Variants in TEAD1 observed in about 807,000 individuals in gnomAD.
The protein encoded by TEAD1 is transcriptional enhancer factor TEF-1.
Under a neutral mutation model 54.9 loss-of-function variants are expected in TEAD1, and 9 were observed. The ratio of observed to expected loss-of-function variants is 0.16; its 90% confidence interval spans 0.10 to 0.29. The LOEUF is 0.29. TEAD1 is among the 10% of genes least tolerant of loss of function. The pLI is 1.00. For synonymous variants in TEAD1, 200 were observed against 187.8 expected (o/e 1.07, Z -0.53); for missense variants, 387 against 535.9 (o/e 0.72, Z 2.74).
intron 5 of TEAD1, among the ~76,000 whole-genome samples, chr11:12,873,805 G>T (rs953220019): frequency 6.6e-6 from 1 of 152,186 alleles, no homozygotes; most frequent in Non-Finnish European, 1.5e-5. Context: ...TAATTGCAGA[G>T]GTCATGTGGA....
chr11:12,887,848 A>G (rs921951165), intron 9 of TEAD1, among the ~76,000 whole-genome samples: 1 of 152,258 alleles, frequency 6.6e-6, no homozygotes, highest in Non-Finnish European at 1.5e-5. Context: ...ATAAGCGAAC[A>G]AAGTGACCAA....
At chr11:12,689,479 C>T (rs1943406302) in intron 2 of TEAD1, among the ~76,000 whole-genome samples, 1 of 152,134 alleles carries the variant, frequency 6.6e-6, no homozygotes, top group Non-Finnish European at 1.5e-5. Flanking sequence ...AAGTGCCTTC[C>T]TTATGGGTTA....
chr11:12,886,535 A>T (rs1303301805), intron 9 of TEAD1, among the ~76,000 whole-genome samples: 1 of 152,210 alleles, frequency 6.6e-6, no homozygotes, highest in Non-Finnish European at 1.5e-5. Context: ...CAGTGAACAA[A>T]ACAAAGTTCT....
intron 3 of TEAD1, among the ~76,000 whole-genome samples, chr11:12,766,008 G>C (rs1945200900): frequency 6.6e-6 from 1 of 152,184 alleles, no homozygotes; most frequent in South Asian, 2.1e-4. Flanking sequence ...AAGCTTCTTT[G>C]AAGATGATTT....
At chr11:12,701,445 C>G (rs752395973) in intron 2 of TEAD1, among the ~76,000 whole-genome samples, 1 of 152,020 alleles carries the variant, frequency 6.6e-6, no homozygotes, top group Non-Finnish European at 1.5e-5. Flanking sequence ...TTCTTTTGAT[C>G]TTGGAAATTG....
intron 3 of TEAD1, among the ~76,000 whole-genome samples, chr11:12,809,338 A>G (rs1200732395): frequency 6.6e-6 from 1 of 152,154 alleles, no homozygotes; most frequent in South Asian, 2.1e-4. Context: ...TCCACTCTGC[A>G]TGGAGGCATA....
chr11:12,924,034 A>G (rs530924703), intron 10 of TEAD1, among the ~76,000 whole-genome samples: 31 of 152,344 alleles, frequency 2.0e-4, no homozygotes, highest in African/African-American at 5.3e-4. Context: ...TCAAGGGAGT[A>G]TCCATTTCCT....
chr11:12,718,858 C>T (rs1159918556), intron 2 of TEAD1, among the ~76,000 whole-genome samples: 1 of 152,050 alleles, frequency 6.6e-6, no homozygotes, highest in East Asian at 1.9e-4. Context: ...CCTAATTTTA[C>T]CTGCTTAAAT....
intron 3 of TEAD1, among the ~76,000 whole-genome samples, chr11:12,797,820 T>C (rs543133032): frequency 1.8e-3 from 275 of 152,260 alleles, no homozygotes; most frequent in African/African-American, 6.3e-3. Flanking sequence ...GTATCCTATC[T>C]ACTATTTTTC....
At chr11:12,745,091 A>G (rs1944720599) in intron 2 of TEAD1, among the ~76,000 whole-genome samples, 1 of 152,196 alleles carries the variant, frequency 6.6e-6, no homozygotes, top group African/African-American at 2.4e-5. Flanking sequence ...TCCCTGGGAG[A>G]CACTGCTGGG....
intron 10 of TEAD1, among the ~76,000 whole-genome samples, chr11:12,908,883 G>GTTTTTTTTT (rs60042137): frequency 0.046 from 4,614 of 99,278 alleles, 193 homozygotes; most frequent in East Asian, 0.18. Context: ...CAAATTATCT[G>GTTTTTTTTT]TTTTTTTTTT....
intron 10 of TEAD1, among the ~76,000 whole-genome samples, chr11:12,912,637 C>T (rs1043637538): frequency 3.9e-5 from 6 of 152,206 alleles, no homozygotes; most frequent in South Asian, 4.2e-4. Context: ...AAGCCTAAAA[C>T]GTAGTAGGAA....
intron 3 of TEAD1, among the ~76,000 whole-genome samples, chr11:12,852,868 C>T (rs55952256): frequency 0.032 from 4,887 of 152,284 alleles, 249 homozygotes; most frequent in Admixed American, 0.14. Context: ...TGATTGTGGG[C>T]GGTTCCCTGA....
intron 10 of TEAD1, among the ~76,000 whole-genome samples, chr11:12,917,115 T>C (rs1948728231): frequency 6.6e-6 from 1 of 152,170 alleles, no homozygotes; most frequent in Non-Finnish European, 1.5e-5. Flanking sequence ...ATAGAATATC[T>C]TGGATTATCT....
intron 2 of TEAD1, among the ~76,000 whole-genome samples, chr11:12,741,656 A>G (rs569399521): frequency 4.6e-5 from 7 of 152,292 alleles, no homozygotes; most frequent in Admixed American, 2.0e-4. Flanking sequence ...TTTCCAATAT[A>G]AATCTGGATT....
At chr11:12,785,703 G>C (rs1490081032) in intron 3 of TEAD1, among the ~76,000 whole-genome samples, 1 of 152,080 alleles carries the variant, frequency 6.6e-6, no homozygotes, top group East Asian at 1.9e-4. Flanking sequence ...TTGGAGGTTT[G>C]GTCTGTGGAT....
At chr11:12,835,816 A>G (rs1208629146) in intron 3 of TEAD1, among the ~76,000 whole-genome samples, 1 of 152,198 alleles carries the variant, frequency 6.6e-6, no homozygotes, top group Non-Finnish European at 1.5e-5. Flanking sequence ...ATTTGAAAGC[A>G]TTAATATTTT....
At chr11:12,807,772 G>A (rs1389035695) in intron 3 of TEAD1, among the ~76,000 whole-genome samples, 2 of 152,212 alleles carry the variant, frequency 1.3e-5, no homozygotes, top group African/African-American at 4.8e-5. Flanking sequence ...TTCTCCCGGA[G>A]TTTACCTGTT....
In TEAD1 at chr11:12,943,430, G is replaced by A. The variant is rs1949178681; in HGVS notation, c.*6208G>A. Reference sequence around the variant, plus strand: ...GTTTGTGTTTAAAATTTATTGCATTGCAAAGGGTAGTTTCACTGAAGTCAT... The same window carrying A: ...GTTTGTGTTTAAAATTTATTGCATTACAAAGGGTAGTTTCACTGAAGTCAT... On this transcript the variant is annotated 3_prime_UTR_variant, in exon 13 of 13. Transcript: ENST00000527636. 6.6e-6 allele frequency: 1 copy of A among 152,612 alleles called. No individual in the cohort carries two copies. Among genetic ancestry groups the A allele is most frequent in the South Asian group, 2.1e-4 (1 of 4,832 alleles). 9.5% of individuals were successfully genotyped at this position (152,612 alleles called of 1,614,324 possible).
Sources: gnomAD v4.1 joint callset for allele counts (sites outside exome capture counted in the v4.1 genomes callset) on GRCh38, gnomAD v4.1.1 for gene constraint, MANE v1.5 for transcripts, NCBI Gene and HGNC (gene_info 2026-07-23, HGNC 2026-07-21) for gene names.